The following TNNT3 variants were observed in gnomAD, a reference collection of about 807,000 sequenced individuals.
TNNT3 encodes troponin T, fast skeletal muscle.
A neutral mutation model predicts 54.2 loss-of-function variants in TNNT3; 36 were observed. The ratio of observed to expected loss-of-function variants is 0.66; its 90% CI spans 0.51 to 0.88. The LOEUF is 0.88. Among genes scored for constraint, TNNT3 ranks in the 40% least tolerant of loss-of-function variants. The pLI, the probability that TNNT3 is intolerant of heterozygous loss-of-function variation, is 0.00. For synonymous variants in TNNT3, 120 were observed against 109.7 expected (o/e 1.09, Z -0.59); for missense variants, 291 against 331.6 (o/e 0.88, Z 0.95).
At chr11:1,936,091 G>A (rs1164797967) in intron 14 of TNNT3, 11 of 1,049,134 alleles carry the variant, frequency 1.0e-5, no homozygotes, top group African/African-American at 1.6e-5. Context: ...GGATAGATGC[G>A]GCCACAGCGG....
chr11:1,935,554 TG>T (rs1854748163), intron 14 of TNNT3: 1 of 172,172 alleles, frequency 5.8e-6, no homozygotes, highest in East Asian at 1.5e-4. Flanking sequence ...CCTCAGGGAC[TG>T]GGGTACAATG....
intron 8 of TNNT3, 44 bp downstream of exon 8, chr11:1,929,872 G>A (rs376551043): frequency 9.3e-6 from 14 of 1,506,760 alleles, no homozygotes; most frequent in Non-Finnish European, 1.2e-5. Context: ...GTGTGTTCTG[G>A]GGTGGGGGTG....
At chr11:1,936,528 C>T (rs1014213480) in intron 14 of TNNT3, among the ~76,000 whole-genome samples, 6 of 152,182 alleles carry the variant, frequency 3.9e-5, no homozygotes, top group Non-Finnish European at 7.4e-5. Flanking sequence ...GGCACGAGGG[C>T]GGGAGCGGCT....
chr11:1,925,185 C>T (rs1199507630), intron 5 of TNNT3, 69 bp downstream of exon 5: 111 of 1,597,926 alleles, frequency 6.9e-5, no homozygotes, highest in Non-Finnish European at 8.8e-5. Flanking sequence ...CAAAGTTGAC[C>T]TCCACCCCGC....
Position 1,926,007 on chromosome 11 carries a change from A to G in TNNT3, c.68-688A>G, listed in dbSNP as rs560968857. ...TGGGGACGCCTTCCATGGCCCATCC[A>G]TGGCTCTGCCTCCCAGGGCTACCAG... is the stretch of plus-strand genomic sequence containing the variant. On this transcript the variant is annotated intron_variant, in intron 5 of 15. Coordinates refer to ENST00000278317, the MANE Select transcript of TNNT3 (RefSeq NM_006757.4). 4.6e-5 allele frequency among the ~76,000 whole-genome samples: 7 copies of G among 152,268 alleles called. No homozygotes were observed. In the East Asian group the frequency reaches 1.4e-3, roughly 29 times the overall value.
intron 15 of TNNT3, among the ~76,000 whole-genome samples, chr11:1,937,353 C>A (rs1286083081): frequency 1.3e-5 from 2 of 152,132 alleles, no homozygotes; most frequent in African/African-American, 4.8e-5. Context: ...TGTGGCCAAC[C>A]TGGGCCCCAG....
chr11:1,924,998 G>A (rs905610936), intron 4 of TNNT3, 101 bp from the exon 5 acceptor site: 10 of 1,394,176 alleles, frequency 7.2e-6, no homozygotes, highest in South Asian at 3.6e-5. Flanking sequence ...CCGGCCAGCC[G>A]GCCTCCTGTC....
Position 1,923,586 on chromosome 11 carries a change from C to A in TNNT3, c.49+14C>A. 1 of 1,613,390 alleles carries A rather than the reference C, an allele frequency of 6.2e-7. No homozygotes were observed. The highest frequency in any genetic ancestry group is 8.5e-7 in the Non-Finnish European group (1 of 1,179,516). On this transcript the variant is annotated intron_variant, in intron 4 of 15. Coordinates refer to ENST00000278317, the MANE Select transcript of TNNT3 (RefSeq NM_006757.4). ...ACGAAGAAGAAGGTAATTCTGGCAA[C>A]CACCGGAAGCCCCCCCAGCCCCTCC...
At chr11:1,929,451 C>A (rs1852669538) in intron 7 of TNNT3, among the ~76,000 whole-genome samples, 2 of 152,212 alleles carry the variant, frequency 1.3e-5, no homozygotes, top group African/African-American at 2.4e-5. Context: ...TTCTCCCAAG[C>A]CCCTTTCCTC....
intron 1 of TNNT3, among the ~76,000 whole-genome samples, chr11:1,922,052 G>A (rs998888671): frequency 6.6e-6 from 1 of 152,222 alleles, no homozygotes; most frequent in Non-Finnish European, 1.5e-5. Flanking sequence ...GAAATGGGGG[G>A]GCTGTTCTGT....
chr11:1,923,921 C>T (rs950253441), intron 4 of TNNT3, among the ~76,000 whole-genome samples: 6 of 151,920 alleles, frequency 3.9e-5, no homozygotes, highest in South Asian at 4.1e-4. Flanking sequence ...CTCAAAACAC[C>T]GAGTGCCCTG....
At chr11:1,924,827 A>G (rs549794618) in intron 4 of TNNT3, 8 of 597,074 alleles carry the variant, frequency 1.3e-5, no homozygotes, top group Admixed American at 1.2e-4. Context: ...GGCCCCCAGG[A>G]GGGTGGGAGG....
chr11:1,930,972 C>G (rs1193594667), intron 8 of TNNT3, among the ~76,000 whole-genome samples: 1 of 152,126 alleles, frequency 6.6e-6, no homozygotes, highest in African/African-American at 2.4e-5. Context: ...AAATAAAAAG[C>G]CTTATTTCTT....
rs1041176419 is a variant in TNNT3 at position 1,938,581 on chromosome 11, C to A, written c.*89C>A. The A allele has an allele frequency of 2.3e-5, 31 of 1,374,838 alleles. No individual in the cohort carries two copies. The highest frequency in any genetic ancestry group is 3.1e-5 in the Non-Finnish European group (30 of 978,212). The allele number at this position is 1,374,838 out of a possible 1,614,324, so 85.2% of individuals were successfully genotyped here. On this transcript the variant is annotated 3_prime_UTR_variant, in exon 16 of 16. Coordinates refer to ENST00000278317, the MANE Select transcript of TNNT3 (RefSeq NM_006757.4). ...GGGACTCCACATCCTCCAGCCCCCA[C>A]AATCCTGTCAGGGGCTCCCTGACAG...
intron 8 of TNNT3, among the ~76,000 whole-genome samples, chr11:1,931,153 A>G (rs145591061): frequency 1.2e-4 from 19 of 152,328 alleles, no homozygotes; most frequent in African/African-American, 4.6e-4. Flanking sequence ...GAATGGCCAC[A>G]TAATATTCCA....
chr11:1,928,853 G>C (rs1852384903), intron 6 of TNNT3: 3 of 558,002 alleles, frequency 5.4e-6, no homozygotes, highest in Non-Finnish European at 6.5e-6. Flanking sequence ...TGCCCCGCGA[G>C]GTCCCCGTGT....
chr11:1,931,510 C>A (rs190847274), intron 8 of TNNT3, among the ~76,000 whole-genome samples: 35 of 151,910 alleles, frequency 2.3e-4, no homozygotes, highest in African/African-American at 7.9e-4. Flanking sequence ...TTTGGCTTTG[C>A]GCCCTAACAG....
chr11:1,922,729 G>A (rs1249102739), intron 1 of TNNT3, 128 bp from the exon 2 acceptor site: 10 of 871,758 alleles, frequency 1.1e-5, no homozygotes, highest in Non-Finnish European at 1.9e-5. Context: ...GCCAGAGCTG[G>A]CCCCCAAACC....
At chr11:1,931,720 G>GT (rs572648117) in intron 8 of TNNT3, among the ~76,000 whole-genome samples, 13,311 of 120,190 alleles carry the variant, frequency 0.11, 816 homozygotes, top group Middle Eastern at 0.17. Context: ...TCCATTTTCC[G>GT]TTTTTTTTTT....
Sources: gnomAD v4.1 joint callset for allele counts (sites outside exome capture counted in the v4.1 genomes callset) on GRCh38, gnomAD v4.1.1 for gene constraint, MANE v1.5 for transcripts, NCBI Gene and HGNC (gene_info 2026-07-23, HGNC 2026-07-21) for gene names.